HIBADH: variants seen among roughly 807,000 people sequenced by gnomAD.
HIBADH encodes the protein 3-hydroxyisobutyrate dehydrogenase.
In HIBADH, 25 loss-of-function variants were observed where a neutral mutation model predicts 36.1. The ratio of observed to expected loss-of-function variants is 0.69; its 90% CI spans 0.50 to 0.97. HIBADH has a LOEUF of 0.97. Ranked by LOEUF, HIBADH falls within the 50% of genes least tolerant of loss-of-function variation. The pLI is 0.00. For missense variants in HIBADH, 421 were observed against 418.0 expected (o/e 1.01, Z -0.06); for synonymous variants, 160 against 149.5 (o/e 1.07, Z -0.51).
At chr7:27,532,326 A>T (rs11767188) in intron 6 of HIBADH, among the ~76,000 whole-genome samples, 1 of 152,128 alleles carries the variant, frequency 6.6e-6, no homozygotes, top group African/African-American at 2.4e-5. Flanking sequence ...AAAGCTTTCC[A>T]CTTTTTCTTA....
intron 4 of HIBADH, among the ~76,000 whole-genome samples, chr7:27,627,346 T>C (rs921014014): frequency 1.3e-5 from 2 of 152,276 alleles, no homozygotes; most frequent in Admixed American, 1.3e-4. Flanking sequence ...CCCTTGCTTC[T>C]TGACCAATCA....
intron 2 of HIBADH, among the ~76,000 whole-genome samples, chr7:27,637,240 T>C (rs764902658): frequency 6.6e-6 from 1 of 152,216 alleles, no homozygotes; most frequent in Admixed American, 6.5e-5. Context: ...AAAGGTTAAG[T>C]AATCTGAAGT....
chr7:27,601,394 C>G (rs772420801), intron 4 of HIBADH, among the ~76,000 whole-genome samples: 10 of 151,998 alleles, frequency 6.6e-5, no homozygotes, highest in South Asian at 2.1e-4. Flanking sequence ...CTAATTAGCA[C>G]TGAATAGTGT....
intron 4 of HIBADH, among the ~76,000 whole-genome samples, chr7:27,576,260 G>A (rs997208837): frequency 2.6e-5 from 4 of 152,268 alleles, no homozygotes; most frequent in Admixed American, 6.5e-5. Context: ...CTGTGTGGAT[G>A]TGGAGGCGGT....
At chr7:27,544,544 T>C (rs1213950128) in intron 4 of HIBADH, among the ~76,000 whole-genome samples, 1 of 152,236 alleles carries the variant, frequency 6.6e-6, no homozygotes, top group Admixed American at 6.5e-5. Flanking sequence ...GCTGTTTTGT[T>C]AGTTTCTAGT....
intron 4 of HIBADH, among the ~76,000 whole-genome samples, chr7:27,567,846 C>T (rs924487788): frequency 2.6e-5 from 4 of 152,204 alleles, no homozygotes; most frequent in African/African-American, 9.6e-5. Context: ...AGATGGCCTT[C>T]GACTTAGTTT....
intron 4 of HIBADH, among the ~76,000 whole-genome samples, chr7:27,623,953 G>A (rs1405654019): frequency 3.3e-5 from 5 of 152,052 alleles, no homozygotes; most frequent in Non-Finnish European, 7.4e-5. Flanking sequence ...GCATGCCACC[G>A]TGGCCAGCCA....
intron 4 of HIBADH, among the ~76,000 whole-genome samples, chr7:27,595,911 G>T (rs1396108919): frequency 6.6e-6 from 1 of 152,084 alleles, no homozygotes; most frequent in Non-Finnish European, 1.5e-5. Flanking sequence ...AGGAAAAAAA[G>T]AAAAGAAAAT....
intron 1 of HIBADH, among the ~76,000 whole-genome samples, chr7:27,650,104 A>G (rs1239505789): frequency 6.6e-6 from 1 of 152,122 alleles, no homozygotes. Flanking sequence ...CATTTATAAA[A>G]CACCTAATAT....
rs567806360 is a variant in HIBADH at position 27,635,727 on chromosome 7, C to G, written c.253-3282G>C. Among the ~76,000 whole-genome samples, 9 of 152,320 alleles carry G rather than the reference C, an allele frequency of 5.9e-5. No individual in the cohort carries two copies. The South Asian group carries it at 1.9e-3, about 32-fold the overall frequency. On this transcript the variant is annotated intron_variant, in intron 2 of 7. Coordinates refer to ENST00000265395, the MANE Select transcript of HIBADH (RefSeq NM_152740.4). The stretch of plus-strand genomic sequence containing the variant: ...GTGCAGGTTTTCAACACCTCCATAA[C>G]TGGGGATGGTCATTGGCCTGGCTGA...
intron 5 of HIBADH, among the ~76,000 whole-genome samples, chr7:27,541,468 A>G (rs1784150211): frequency 6.6e-6 from 1 of 152,160 alleles, no homozygotes; most frequent in Non-Finnish European, 1.5e-5. Context: ...TGCATTTTCA[A>G]TGTGAGATAA....
At position 27,594,144 on chromosome 7, in the gene HIBADH, G is replaced by GTTGT. The variant is rs1554297929; in HGVS notation, c.484+35226_484+35227insACAA. On this transcript the variant is annotated intron_variant, in intron 4 of 7. Transcript: ENST00000265395. The stretch of plus-strand genomic sequence containing the variant: ...TAGGTTGTTACATAAAGATGTTTTT[G>GTTGT]TTTTTTTGTTTTTTTTCTGAAACAG... Among the ~76,000 whole-genome samples the GTTGT allele has an allele frequency of 4.1e-4, 23 of 55,450 alleles. 6 individuals are homozygous for GTTGT. Among genetic ancestry groups the GTTGT allele is most frequent in the Non-Finnish European group, 6.3e-4 (20 of 31,984 alleles). The allele number at this position is 55,450 out of a possible 152,430, so 36.4% of individuals were successfully genotyped here. A position where few individuals can be genotyped will look rare whatever the true frequency, so the allele number is the denominator to read the frequency against.
chr7:27,584,825 T>C (rs1271365536), intron 4 of HIBADH, among the ~76,000 whole-genome samples: 3 of 152,116 alleles, frequency 2.0e-5, no homozygotes, highest in Non-Finnish European at 2.9e-5. Flanking sequence ...ACGATACCAC[T>C]GTCTTGACTC....
intron 4 of HIBADH, among the ~76,000 whole-genome samples, chr7:27,612,803 G>A (rs1433414642): frequency 2.7e-5 from 4 of 149,844 alleles, no homozygotes; most frequent in Non-Finnish European, 4.4e-5. Flanking sequence ...GGGCATGGTG[G>A]TGCATGCCTA....
chr7:27,553,897 G>A (rs748187883), intron 4 of HIBADH, among the ~76,000 whole-genome samples: 2 of 152,192 alleles, frequency 1.3e-5, no homozygotes, highest in African/African-American at 2.4e-5. Flanking sequence ...CGCCCAGGCT[G>A]TAGTACAAGG....
chr7:27,559,354 G>A (rs1288942770), intron 4 of HIBADH, among the ~76,000 whole-genome samples: 1 of 152,120 alleles, frequency 6.6e-6, no homozygotes, highest in Non-Finnish European at 1.5e-5. Context: ...GGGCACAGTG[G>A]CTCATGCCTA....
At chr7:27,614,369 A>G (rs974362994) in intron 4 of HIBADH, among the ~76,000 whole-genome samples, 3 of 152,212 alleles carry the variant, frequency 2.0e-5, no homozygotes, top group Non-Finnish European at 4.4e-5. Context: ...ACAGAGAGGT[A>G]AATAATCTGG....
chr7:27,550,033 G>A lies in HIBADH; in HGVS notation c.485-6933C>T, dbSNP rs534469779. ...AGCGATTCTCCTGCCTCAGCCTCCC[G>A]AGTAGCTGGGACTATGGGCGCGTGC... On this transcript the variant is annotated intron_variant, in intron 4 of 7. Coordinates refer to ENST00000265395, the MANE Select transcript of HIBADH (RefSeq NM_152740.4). 3.9e-5 allele frequency among the ~76,000 whole-genome samples: 6 copies of A among 152,094 alleles called. No individual in the cohort carries two copies. The South Asian group carries it at 6.2e-4, about 16-fold the overall frequency.
chr7:27,555,776 T>C (rs1295084873), intron 4 of HIBADH, among the ~76,000 whole-genome samples: 2 of 152,198 alleles, frequency 1.3e-5, no homozygotes, highest in Non-Finnish European at 2.9e-5. Context: ...AGTCAAAATC[T>C]AGAGACATGA....
Sources: gnomAD v4.1 joint callset for allele counts (sites outside exome capture counted in the v4.1 genomes callset) on GRCh38, gnomAD v4.1.1 for gene constraint, MANE v1.5 for transcripts, NCBI Gene and HGNC (gene_info 2026-07-23, HGNC 2026-07-21) for gene names.